The following PLEKHG5 variants were observed in gnomAD, a reference collection of about 807,000 sequenced individuals.
The protein encoded by PLEKHG5 is pleckstrin homology domain-containing family G member 5.
A neutral mutation model predicts 103.8 loss-of-function variants in PLEKHG5; 52 were observed. The observed-to-expected ratio is 0.50, with a 90% CI of 0.40 to 0.63. The LOEUF is 0.63. PLEKHG5 is among the 30% of genes least tolerant of loss of function. The pLI is 0.00. For synonymous variants in PLEKHG5, 592 were observed against 575.5 expected (o/e 1.03, Z -0.41); for missense variants, 1,205 against 1,347.6 (o/e 0.89, Z 1.66).
chr1:6,504,526 T>C (rs1052577789), intron 1 of PLEKHG5, among the ~76,000 whole-genome samples: 6 of 151,664 alleles, frequency 4.0e-5, no homozygotes, highest in African/African-American at 1.2e-4. Context: ...CCACCCGGCA[T>C]CGTCCTCTCT....
chr1:6,483,048 G>T (rs947621177), intron 1 of PLEKHG5, among the ~76,000 whole-genome samples: 1 of 152,218 alleles, frequency 6.6e-6, no homozygotes, highest in Non-Finnish European at 1.5e-5. Context: ...CCCTCTCATG[G>T]GTGTCTTAGG....
rs114619322 is a variant in PLEKHG5 at position 6,468,009 on chromosome 1, C to T, written c.2827G>A (p.Gly943Ser). Residue 943 changes from glycine (G) to serine (S), a missense_variant, in exon 20 of 21, where the codon GGC becomes AGC. Physicochemically the swap from Gly to Ser is moderately conservative, Grantham distance 56. Coordinates refer to ENST00000377728, the MANE Select transcript of PLEKHG5 (RefSeq NM_020631.6). ...CCTGCAGGTTCCCCGGCCAGGCAGC[C>T]GACTAGCCCAGGACCGCTGCCAGGG... ...PSPGSGPGLVGCLAGEPAGSH... is the reference protein window; with the variant it reads ...PSPGSGPGLVSCLAGEPAGSH... 6.4e-6 allele frequency: 10 copies of T among 1,553,348 alleles called. No homozygotes were observed. The East Asian group carries it at 1.7e-4, about 26-fold the overall frequency.
chr1:6,497,389 G>T, upstream of PLEKHG5: 1 of 1,062,664 alleles, frequency 9.4e-7, no homozygotes, highest in Non-Finnish European at 1.1e-6. This position sits in a 1 kb window ranked among gnomAD's most constrained non-coding sequence, Gnocchi z 6.1. Context: ...CCGGGGACTG[G>T]GAGGCCGCAG....
rs763164534 is a variant in PLEKHG5, at chr1:6,471,629, C to T, written c.1140G>A (p.Ala380=). ...QESGLLCEVE[A]ERLFSNIPEI... is the part of the protein sequence containing the mutation. ...CCGGGATGTTGCTGAACAGGCGCTC[C>T]GCCTCCACCTGGGCGCGGCGGGAGG... Residue 380 remains alanine, a synonymous_variant, in exon 12 of 21, where the codon GCG becomes GCA. Coordinates refer to ENST00000377728, the MANE Select transcript of PLEKHG5 (RefSeq NM_020631.6). 6.3e-7 allele frequency: 1 copy of T among 1,588,036 alleles called. No homozygotes were observed. The highest frequency in any genetic ancestry group is 8.6e-7 in the Non-Finnish European group (1 of 1,167,920).
chr1:6,510,841 CT>C (rs2148636898), intron 1 of PLEKHG5, among the ~76,000 whole-genome samples: 1 of 152,270 alleles, frequency 6.6e-6, no homozygotes, highest in East Asian at 1.9e-4. Flanking sequence ...AATCCCAGCA[CT>C]TTGGGAGGCC....
In PLEKHG5 at chr1:6,483,199, C is replaced by T. The variant is rs550641970; in HGVS notation, c.-87-5541G>A. 2.0e-5 allele frequency among the ~76,000 whole-genome samples: 3 copies of T among 152,296 alleles called. No individual in the cohort carries two copies. The East Asian group carries it at 5.8e-4, about 29-fold the overall frequency. On this transcript the variant is annotated intron_variant, in intron 1 of 20. Coordinates refer to ENST00000377728, the MANE Select transcript of PLEKHG5 (RefSeq NM_020631.6). The stretch of plus-strand genomic sequence containing the variant: ...GGGAACAGGGCACAGGACTGGCAGT[C>T]GGCAGGTGGCACTCCAAGCAGGCCC...
At chr1:6,497,400 AGCCGCC>A, upstream of PLEKHG5, 1 of 1,013,904 alleles carries the variant, frequency 9.9e-7, no homozygotes, top group Non-Finnish European at 1.2e-6. This position sits in a 1 kb window ranked among gnomAD's most constrained non-coding sequence, Gnocchi z 6.1. Flanking sequence ...GAGGCCGCAG[AGCCGCC>A]GCCGCCGGAC....
upstream of PLEKHG5, among the ~76,000 whole-genome samples, chr1:6,500,883 A>C (rs529133733): frequency 2.6e-5 from 4 of 152,236 alleles, no homozygotes; most frequent in East Asian, 7.7e-4. Flanking sequence ...CCTACTCGCC[A>C]GTTCTCCCCC....
At chr1:6,504,061 G>C (rs1638229528) in intron 1 of PLEKHG5, among the ~76,000 whole-genome samples, 1 of 152,234 alleles carries the variant, frequency 6.6e-6, no homozygotes, top group South Asian at 2.1e-4. Flanking sequence ...GGCTCCCATT[G>C]GCTGGCCCTG....
intron 1 of PLEKHG5, among the ~76,000 whole-genome samples, chr1:6,480,175 G>A (rs1343946647): frequency 6.6e-6 from 1 of 152,022 alleles, no homozygotes; most frequent in Non-Finnish European, 1.5e-5. Flanking sequence ...CACTCAATCA[G>A]TTGAGGTCAG....
At chr1:6,493,630 C>T (rs968622454), upstream of PLEKHG5, among the ~76,000 whole-genome samples, 6 of 152,106 alleles carry the variant, frequency 3.9e-5, no homozygotes, top group African/African-American at 1.2e-4. Flanking sequence ...TAAACATGTT[C>T]GGTCAGCAAT....
intron 1 of PLEKHG5, among the ~76,000 whole-genome samples, chr1:6,515,183 C>G (rs1638580078): frequency 1.3e-5 from 2 of 152,224 alleles, no homozygotes; most frequent in Non-Finnish European, 2.9e-5. Context: ...CTGCTTCCAA[C>G]AGTGACGGAG....
At chr1:6,481,035 C>T (rs1397603310) in intron 1 of PLEKHG5, among the ~76,000 whole-genome samples, 5 of 152,162 alleles carry the variant, frequency 3.3e-5, no homozygotes, top group Non-Finnish European at 7.3e-5. Flanking sequence ...TATCTGTGGC[C>T]TCAACCCAGC....
exon 1 of PLEKHG5, chr1:6,519,623 C>G: frequency 1.2e-6 from 1 of 824,960 alleles, no homozygotes; most frequent in Non-Finnish European, 2.1e-6. Context: ...CAGTTGCCAT[C>G]TCAACATGGA....
chr1:6,471,706 C>T, intron 11 of PLEKHG5, 52 bp downstream of exon 11: 2 of 1,587,780 alleles, frequency 1.3e-6, no homozygotes, highest in African/African-American at 1.3e-5. Flanking sequence ...GGTCCAGGTC[C>T]CGCCCTCCTT....
At position 6,469,689 on chromosome 1, in the gene PLEKHG5, GA is replaced by G. The variant is rs762416489; in HGVS notation, c.1801-14del. On this transcript the variant is annotated splice_polypyrimidine_tract_variant and intron_variant, in intron 16 of 20. Transcript: ENST00000377728. ...AGTACACATCCATCTGCAGTGGCAG[GA>G]GGGGGGGTGGCCAGAGAGGCCAGCA... 7.6e-5 allele frequency: 123 copies of G among 1,611,062 alleles called. No individual in the cohort carries two copies. In the African/African-American group the frequency reaches 1.4e-3, roughly 18 times the overall value.
intron 20 of PLEKHG5, 39 bp downstream of exon 20, chr1:6,467,786 C>A: frequency 6.2e-7 from 1 of 1,608,846 alleles, no homozygotes; most frequent in Non-Finnish European, 8.5e-7. Flanking sequence ...CATGCCAGTG[C>A]CCTGAGCCAC....
upstream of PLEKHG5, among the ~76,000 whole-genome samples, chr1:6,494,589 G>A (rs2986744): frequency 0.23 from 34,205 of 152,006 alleles, 8,495 homozygotes; most frequent in African/African-American, 0.62. Context: ...TATCATCATC[G>A]ACAATGTTAT....
intron 1 of PLEKHG5, chr1:6,485,444 G>A (rs1045482606): frequency 3.2e-6 from 4 of 1,269,342 alleles, no homozygotes; most frequent in East Asian, 3.2e-5. Flanking sequence ...CTGTCCCCAT[G>A]GCGGCCGGAG....
Sources: allele counts gnomAD v4.1 joint callset (sites outside exome capture counted in the v4.1 genomes callset), GRCh38; gene constraint gnomAD v4.1.1; non-coding constraint Gnocchi (gnomAD v3.1); transcripts MANE v1.5; gene names NCBI Gene and HGNC (gene_info 2026-07-23, HGNC 2026-07-21).